The following ZNF804B variants were observed in gnomAD, a reference collection of about 807,000 sequenced individuals.
The protein encoded by ZNF804B is zinc finger 804B.
A neutral mutation model predicts 101.4 loss-of-function variants in ZNF804B; 80 were observed. The ratio of observed to expected loss-of-function variants is 0.79; its 90% CI spans 0.66 to 0.95. The LOEUF (loss-of-function observed/expected upper bound fraction) is 0.95, where lower values mean the gene tolerates loss of function less well. Ranked by LOEUF, ZNF804B falls within the 40% of genes least tolerant of loss-of-function variation. The probability of loss-of-function intolerance (pLI) is 0.00; values close to 1 mark genes in which losing one functional copy is unlikely to be tolerated. For synonymous variants in ZNF804B, 622 were observed against 558.8 expected (o/e 1.11, Z -1.59); for missense variants, 1,673 against 1,561.9 (o/e 1.07, Z -1.20).
chr7:88,760,197 G>C, intron 1 of ZNF804B, 113 bp downstream of exon 1: 1 of 824,926 alleles, frequency 1.2e-6, no homozygotes. Context: ...CATCTAAAAC[G>C]TATACCTTAT....
At chr7:89,017,457 G>A (rs905548744) in intron 1 of ZNF804B, among the ~76,000 whole-genome samples, 1 of 152,182 alleles carries the variant, frequency 6.6e-6, no homozygotes, top group Non-Finnish European at 1.5e-5. Context: ...CATTCAGTAT[G>A]ATATTGGCTA....
chr7:89,067,312 A>G lies in ZNF804B; in HGVS notation c.109-150843A>G, dbSNP rs143667787. On this transcript the variant is annotated intron_variant, in intron 1 of 3. Transcript: ENST00000333190. The stretch of plus-strand genomic sequence containing the variant: ...GTTGATTGGAATCTCTATCACTGGG[A>G]GGAGCCCAGGCCTTCGTAGGGCTTA... 2.6e-3 allele frequency among the ~76,000 whole-genome samples: 402 copies of G among 152,268 alleles called. 2 individuals carry two copies. The highest frequency in any genetic ancestry group is 9.2e-3 in the African/African-American group (382 of 41,550).
intron 2 of ZNF804B, among the ~76,000 whole-genome samples, chr7:89,301,099 GTTTT>G (rs5885673): frequency 1.2e-4 from 9 of 77,652 alleles, no homozygotes; most frequent in African/African-American, 3.2e-4. Context: ...TTTCAAGCGT[GTTTT>G]TTTTTTTTTT....
chr7:89,029,176 T>C (rs1171093312), intron 1 of ZNF804B, among the ~76,000 whole-genome samples: 1 of 151,878 alleles, frequency 6.6e-6, no homozygotes, highest in Non-Finnish European at 1.5e-5. Flanking sequence ...CGATCTCTGC[T>C]CACTGTAACC....
intron 1 of ZNF804B, among the ~76,000 whole-genome samples, chr7:88,927,860 G>T (rs1457407168): frequency 6.6e-6 from 1 of 151,592 alleles, no homozygotes; most frequent in African/African-American, 2.4e-5. Flanking sequence ...GCACTTATGG[G>T]TTTTTTTTAG....
intron 1 of ZNF804B, among the ~76,000 whole-genome samples, chr7:88,812,685 C>A (rs946995809): frequency 2.0e-5 from 3 of 152,044 alleles, no homozygotes; most frequent in African/African-American, 7.2e-5. Flanking sequence ...TGTGTATGTA[C>A]GTATATATAC....
intron 1 of ZNF804B, among the ~76,000 whole-genome samples, chr7:88,841,612 A>G (rs991045583): frequency 3.9e-5 from 6 of 152,174 alleles, no homozygotes; most frequent in Admixed American, 3.9e-4. Context: ...AATAAACAGT[A>G]ACCATAAGTA....
At chr7:88,989,898 A>G (rs1217063839) in intron 1 of ZNF804B, among the ~76,000 whole-genome samples, 1 of 151,970 alleles carries the variant, frequency 6.6e-6, no homozygotes, top group Non-Finnish European at 1.5e-5. Flanking sequence ...TGTTATTTAT[A>G]TCATCTTTCT....
Position 89,208,089 on chromosome 7 carries a change from T to C in ZNF804B, c.109-10066T>C, listed in dbSNP as rs576552370. The stretch of plus-strand genomic sequence containing the variant: ...TATTTACTATTTTATTGGGTTTTTT[T>C]TTTTTTTTTTGAGACAGAGTCTCTC... On this transcript the variant is annotated intron_variant, in intron 1 of 3. Transcript: ENST00000333190. Among the ~76,000 whole-genome samples, 534 of 150,436 alleles carry C rather than the reference T, an allele frequency of 3.5e-3. 11 individuals carry two copies. The highest frequency in any genetic ancestry group is 0.012 in the African/African-American group (496 of 41,090).
At chr7:89,006,399 T>A (rs1290877677) in intron 1 of ZNF804B, among the ~76,000 whole-genome samples, 1 of 152,070 alleles carries the variant, frequency 6.6e-6, no homozygotes, top group Non-Finnish European at 1.5e-5. Flanking sequence ...CTGTTCACAA[T>A]TGTAAAGGCA....
At chr7:88,854,075 A>G (rs1394791293) in intron 1 of ZNF804B, among the ~76,000 whole-genome samples, 1 of 152,192 alleles carries the variant, frequency 6.6e-6, no homozygotes, top group African/African-American at 2.4e-5. Context: ...GAAAATTAAC[A>G]TTTTAATATC....
At chr7:89,087,622 G>A (rs551167987) in intron 1 of ZNF804B, among the ~76,000 whole-genome samples, 19 of 151,982 alleles carry the variant, frequency 1.3e-4, no homozygotes, top group African/African-American at 4.6e-4. Context: ...CTATATGTTA[G>A]TGTCTGTTGA....
At position 88,878,925 on chromosome 7, in the gene ZNF804B, A is replaced by G. The variant is rs140504318; in HGVS notation, c.108+118841A>G. On this transcript the variant is annotated intron_variant, in intron 1 of 3. Coordinates refer to ENST00000333190, the MANE Select transcript of ZNF804B (RefSeq NM_181646.5). ...TGTCTTAACTTTTGCAGTTATGCCC[A>G]AATACCTTATGCTTCCGCTCCTCTA... Among the ~76,000 whole-genome samples, 8 of 152,320 alleles carry G rather than the reference A, an allele frequency of 5.3e-5. No homozygotes were observed. The East Asian group carries it at 1.5e-3, about 29-fold the overall frequency.
At chr7:88,970,834 G>A (rs1330379666) in intron 1 of ZNF804B, among the ~76,000 whole-genome samples, 1 of 113,150 alleles carries the variant, frequency 8.8e-6, no homozygotes, top group African/African-American at 3.3e-5. Context: ...GGGGGGAGGG[G>A]GGAGGGATAG....
At chr7:88,825,657 C>CTCACTTTTT (rs1791041330) in intron 1 of ZNF804B, among the ~76,000 whole-genome samples, 1 of 152,142 alleles carries the variant, frequency 6.6e-6, no homozygotes, top group African/African-American at 2.4e-5. Context: ...CCTTGCTGGT[C>CTCACTTTTT]CTCATTTTTC....
In ZNF804B at chr7:89,105,733, G is replaced by A. The variant is rs114833865; in HGVS notation, c.109-112422G>A. ...AATTCAGTTTTGTCAGTATTTACCT[G>A]GAAATAGTTTCTGATCTCACAGGTC... On this transcript the variant is annotated intron_variant, in intron 1 of 3. Coordinates refer to ENST00000333190, the MANE Select transcript of ZNF804B (RefSeq NM_181646.5). Among the ~76,000 whole-genome samples, 1,379 of 152,134 alleles carry A rather than the reference G, an allele frequency of 9.1e-3. 21 individuals carry two copies. Among genetic ancestry groups the A allele is most frequent in the African/African-American group, 0.031 (1,295 of 41,510 alleles).
chr7:89,220,164 C>T, intron 2 of ZNF804B, among the ~76,000 whole-genome samples: 1 of 108,256 alleles, frequency 9.2e-6, no homozygotes, highest in African/African-American at 3.7e-5. Context: ...TATATATACG[C>T]ACATATATAT....
intron 2 of ZNF804B, among the ~76,000 whole-genome samples, chr7:89,310,321 AT>A (rs1790632642): frequency 6.6e-6 from 1 of 152,106 alleles, no homozygotes. Context: ...AAGAAACCTT[AT>A]TTGATTAAGC....
At chr7:89,260,796 TG>T (rs1252301777) in intron 2 of ZNF804B, among the ~76,000 whole-genome samples, 1 of 152,168 alleles carries the variant, frequency 6.6e-6, no homozygotes, top group East Asian at 1.9e-4. Flanking sequence ...TCATTTATCT[TG>T]TAAAAGTAGG....
Sources: allele counts gnomAD v4.1 joint callset (sites outside exome capture counted in the v4.1 genomes callset), GRCh38; gene constraint gnomAD v4.1.1; transcripts MANE v1.5; gene names NCBI Gene and HGNC (gene_info 2026-07-23, HGNC 2026-07-21).